Variants in EXOC4 observed in about 807,000 individuals in gnomAD.
EXOC4 encodes the protein SEC8-like 1.
In EXOC4, 71 loss-of-function variants were observed where a neutral mutation model predicts 107.2. The ratio of observed to expected loss-of-function variants is 0.66; its 90% CI spans 0.55 to 0.81. The LOEUF (loss-of-function observed/expected upper bound fraction) is 0.81, where lower values mean the gene tolerates loss of function less well. Among genes scored for constraint, EXOC4 ranks in the 30% least tolerant of loss-of-function variants. EXOC4 has a pLI of 0.00. For synonymous variants in EXOC4, 456 were observed against 441.2 expected, an observed-to-expected ratio of 1.03 and a Z score of -0.42; for missense variants, 1,108 against 1,189.6, an observed-to-expected ratio of 0.93 and a Z score of 1.01.
chr7:133,360,988 A>T (rs550331540), intron 6 of EXOC4, among the ~76,000 whole-genome samples: 1 of 152,244 alleles, frequency 6.6e-6, no homozygotes, highest in Non-Finnish European at 1.5e-5. Context: ...GGAAGAGAAG[A>T]GAGCACTAGT....
chr7:133,333,305 A>G (rs951554587), intron 5 of EXOC4, among the ~76,000 whole-genome samples: 4 of 152,160 alleles, frequency 2.6e-5, no homozygotes, highest in Admixed American at 2.6e-4. Context: ...GTTGGTTCCT[A>G]GGTTGTTTTA....
chr7:133,746,720 G>A (rs1468616905), intron 10 of EXOC4, among the ~76,000 whole-genome samples: 1 of 152,108 alleles, frequency 6.6e-6, no homozygotes, highest in Non-Finnish European at 1.5e-5. Flanking sequence ...ATACACACAG[G>A]TTCATACAGA....
chr7:133,710,643 G>A (rs1794869406), intron 10 of EXOC4, among the ~76,000 whole-genome samples: 1 of 141,626 alleles, frequency 7.1e-6, no homozygotes, highest in African/African-American at 2.7e-5. Context: ...CTGGGCGACA[G>A]AGTGAGACTC....
intron 9 of EXOC4, among the ~76,000 whole-genome samples, chr7:133,588,238 A>T (rs1801452523): frequency 6.6e-6 from 1 of 152,234 alleles, no homozygotes; most frequent in Non-Finnish European, 1.5e-5. Flanking sequence ...TAGATTCATG[A>T]GACCCAGATT....
chr7:133,584,586 T>G (rs1801356290), intron 9 of EXOC4, among the ~76,000 whole-genome samples: 1 of 137,722 alleles, frequency 7.3e-6, no homozygotes, highest in African/African-American at 2.7e-5. Context: ...TTTTTTTTTG[T>G]TTTTTTTTTT....
intron 10 of EXOC4, among the ~76,000 whole-genome samples, chr7:133,716,310 T>G (rs6976491): frequency 0.43 from 64,697 of 151,982 alleles, 13,983 homozygotes; most frequent in South Asian, 0.54. Flanking sequence ...GAAAACAAAT[T>G]GAAAAATGTA....
chr7:133,690,728 A>G (rs2430771), intron 10 of EXOC4, among the ~76,000 whole-genome samples: 149,828 of 152,250 alleles, frequency 0.98, 73,787 homozygotes, highest in Middle Eastern at 1. Context: ...ATTTACATAC[A>G]TGGGAGTTCA....
chr7:133,722,544 A>G lies in EXOC4; in HGVS notation c.1514+92403A>G, dbSNP rs905047133. 4.6e-5 allele frequency among the ~76,000 whole-genome samples: 7 copies of G among 152,294 alleles called. No homozygotes were observed. In the South Asian group the frequency reaches 1.5e-3, roughly 32 times the overall value. Reference sequence around the variant, plus strand: ...TGTCTCTATCAGTAGCCAATTTGGAAATATTGAAACCCTGTCTTTGGTGTA... The same window carrying G: ...TGTCTCTATCAGTAGCCAATTTGGAGATATTGAAACCCTGTCTTTGGTGTA... On this transcript the variant is annotated intron_variant, in intron 10 of 17. Transcript: ENST00000253861.
intron 14 of EXOC4, among the ~76,000 whole-genome samples, chr7:133,957,885 A>G (rs2116822685): frequency 6.6e-6 from 1 of 152,350 alleles, no homozygotes; most frequent in East Asian, 1.9e-4. Context: ...AGTCATGTGT[A>G]TTACTTAACC....
chr7:133,871,599 A>T (rs1332264282), intron 11 of EXOC4, among the ~76,000 whole-genome samples: 1 of 152,028 alleles, frequency 6.6e-6, no homozygotes, highest in East Asian at 1.9e-4. Context: ...CATCTTTCTC[A>T]TCCCCAATGA....
chr7:133,776,821 T>C (rs568851612), intron 10 of EXOC4, among the ~76,000 whole-genome samples: 1 of 152,186 alleles, frequency 6.6e-6, no homozygotes, highest in South Asian at 2.1e-4. Context: ...GTTTCTTTAT[T>C]GCATGTTATG....
At chr7:133,926,042 C>CAA (rs552126104) in intron 13 of EXOC4, among the ~76,000 whole-genome samples, 2,659 of 104,388 alleles carry the variant, frequency 0.025, 90 homozygotes, top group African/African-American at 0.065. Flanking sequence ...GACTCCGTCT[C>CAA]AAAAAAAAAA....
intron 14 of EXOC4, among the ~76,000 whole-genome samples, chr7:133,949,296 C>T (rs938830619): frequency 1.3e-5 from 2 of 152,174 alleles, no homozygotes; most frequent in Admixed American, 1.3e-4. Context: ...GTCTCTAAGG[C>T]ACAGTGTTCC....
At chr7:133,343,069 G>A (rs1369022109) in intron 5 of EXOC4, among the ~76,000 whole-genome samples, 1 of 152,132 alleles carries the variant, frequency 6.6e-6, no homozygotes, top group East Asian at 1.9e-4. Context: ...GTGAGCTACT[G>A]TGATCTTTTG....
chr7:133,537,296 A>AACCCCCCC (rs750139453), intron 9 of EXOC4, among the ~76,000 whole-genome samples: 1 of 128,060 alleles, frequency 7.8e-6, no homozygotes, highest in African/African-American at 3.2e-5. Context: ...GATTACAGGC[A>AACCCCCCC]CCCCCCCCCC....
At chr7:133,418,600 C>G (rs1332263906) in intron 7 of EXOC4, among the ~76,000 whole-genome samples, 1 of 152,142 alleles carries the variant, frequency 6.6e-6, no homozygotes. Context: ...GGGGTGATAA[C>G]AGGAGCTCTA....
At chr7:133,993,924 A>G (rs905667034) in intron 14 of EXOC4, among the ~76,000 whole-genome samples, 2 of 152,244 alleles carry the variant, frequency 1.3e-5, no homozygotes, top group African/African-American at 2.4e-5. Context: ...CTAGCAACAA[A>G]TAGGGCTGAG....
intron 9 of EXOC4, among the ~76,000 whole-genome samples, chr7:133,584,157 C>G (rs758070928): frequency 3.3e-5 from 5 of 152,090 alleles, no homozygotes; most frequent in Non-Finnish European, 5.9e-5. Flanking sequence ...TAGGTGAAAT[C>G]TGGAGTTTGG....
At chr7:133,754,661 G>C (rs556473238) in intron 10 of EXOC4, among the ~76,000 whole-genome samples, 1 of 152,274 alleles carries the variant, frequency 6.6e-6, no homozygotes, top group Non-Finnish European at 1.5e-5. Context: ...GAGATGCTCT[G>C]ATGTACTATG....
Sources: allele counts gnomAD v4.1 joint callset (sites outside exome capture counted in the v4.1 genomes callset), GRCh38; gene constraint gnomAD v4.1.1; transcripts MANE v1.5; gene names NCBI Gene and HGNC (gene_info 2026-07-23, HGNC 2026-07-21).